RNF150: variants seen among roughly 807,000 people sequenced by gnomAD.
The protein encoded by RNF150 is ring finger protein 150.
In RNF150, 24 loss-of-function variants were observed where a neutral mutation model predicts 39.3. The observed-to-expected ratio is 0.61, with a 90% CI of 0.44 to 0.86. The LOEUF (loss-of-function observed/expected upper bound fraction) is 0.86, where lower values mean the gene tolerates loss of function less well. Among genes scored for constraint, RNF150 ranks in the 40% least tolerant of loss-of-function variants. The pLI is 0.00. For synonymous variants in RNF150, 255 were observed against 227.3 expected (o/e 1.12, Z -1.10); for missense variants, 502 against 587.8 (o/e 0.85, Z 1.51).
Position 140,860,875 on chromosome 4 carries a change from G to T in RNF150, c.*7386C>A, listed in dbSNP as rs962557979. On this transcript the variant is annotated 3_prime_UTR_variant, in exon 7 of 7. Coordinates refer to ENST00000515673, the MANE Select transcript of RNF150 (RefSeq NM_020724.2). ...CAAAACTGAGTATCACATATGTACT[G>T]CTTGAGAGTTTCCCCTGGAAACCAG... 6.6e-6 allele frequency: 1 copy of T among 152,036 alleles called. No homozygotes were observed. Among genetic ancestry groups the T allele is most frequent in the Admixed American group, 6.6e-5 (1 of 15,256 alleles). 9.4% of individuals were successfully genotyped at this position (152,036 alleles called of 1,614,324 possible).
chr4:141,135,976 A>G (rs1275824342), upstream of RNF150, among the ~76,000 whole-genome samples: 1 of 152,224 alleles, frequency 6.6e-6, no homozygotes, highest in Non-Finnish European at 1.5e-5. Context: ...CATGGTCTAG[A>G]CATAAGGAAA....
intron 1 of RNF150, among the ~76,000 whole-genome samples, chr4:141,048,236 G>C (rs188459075): frequency 6.6e-6 from 1 of 152,330 alleles, no homozygotes; most frequent in Non-Finnish European, 1.5e-5. Context: ...AGCATAAGTG[G>C]GGAAGAAGTA....
chr4:140,926,152 A>T, intron 4 of RNF150, 79 bp from the exon 5 acceptor site: 3 of 998,912 alleles, frequency 3.0e-6, no homozygotes, highest in Non-Finnish European at 4.7e-6. Flanking sequence ...GGACTCGTCC[A>T]AGGTCACAAA....
intron 1 of RNF150, among the ~76,000 whole-genome samples, chr4:141,155,209 C>T (rs1486733319): frequency 6.6e-6 from 1 of 151,660 alleles, no homozygotes; most frequent in Non-Finnish European, 1.5e-5. Flanking sequence ...CCTCAGCCTC[C>T]TGAGTAACTG....
chr4:141,050,271 C>A (rs991886753), intron 1 of RNF150, among the ~76,000 whole-genome samples: 1 of 151,860 alleles, frequency 6.6e-6, no homozygotes, highest in African/African-American at 2.4e-5. Context: ...ATGGGAGTTA[C>A]AATTCAAGAT....
chr4:141,100,622 T>C (rs1031077978), intron 1 of RNF150, among the ~76,000 whole-genome samples: 1 of 152,198 alleles, frequency 6.6e-6, no homozygotes, highest in African/African-American at 2.4e-5. Flanking sequence ...TGGATCTGAC[T>C]AAGGGTACTA....
At chr4:140,997,567 C>T (rs1734421188) in intron 1 of RNF150, among the ~76,000 whole-genome samples, 1 of 152,064 alleles carries the variant, frequency 6.6e-6, no homozygotes, top group Non-Finnish European at 1.5e-5. Flanking sequence ...AGACAAAGCT[C>T]TACGAATATT....
chr4:140,991,812 C>T (rs1181651438), intron 1 of RNF150, among the ~76,000 whole-genome samples: 5 of 152,056 alleles, frequency 3.3e-5, no homozygotes, highest in Non-Finnish European at 7.4e-5. Flanking sequence ...AGAGAAAAGC[C>T]TGGCTGATTT....
Position 140,911,293 on chromosome 4 carries a change from G to T in RNF150, c.1049C>A (p.Pro350His), listed in dbSNP as rs757292511. Residue 350 changes from proline to histidine, a missense_variant, in exon 6 of 7, where the codon CCC (proline) becomes CAC (histidine). Transcript: ENST00000515673. ...GCTGGCACCTGTGATCTGGTTGGTGGGTGGACCTCCCAGAGAGCCCTCGAA... is the reference window on the plus strand; with the variant it reads ...GCTGGCACCTGTGATCTGGTTGGTGTGTGGACCTCCCAGAGAGCCCTCGAA... ...TDFEGSLGGP[P>H]TNQITGASDT... 1 of 1,614,132 alleles carries T rather than the reference G, an allele frequency of 6.2e-7. No homozygotes were observed. The highest frequency in any genetic ancestry group is 1.1e-5 in the South Asian group (1 of 91,078).
intron 2 of RNF150, among the ~76,000 whole-genome samples, chr4:140,950,339 T>C (rs1732496065): frequency 6.6e-6 from 1 of 152,226 alleles, no homozygotes; most frequent in African/African-American, 2.4e-5. Flanking sequence ...CTTGCTTTTC[T>C]TTAAAATAGT....
chr4:141,110,375 TC>T (rs1739347933), intron 1 of RNF150, among the ~76,000 whole-genome samples: 2 of 152,134 alleles, frequency 1.3e-5, no homozygotes, highest in Non-Finnish European at 2.9e-5. Context: ...CACGGCTCTT[TC>T]TTAAAATATT....
intron 1 of RNF150, among the ~76,000 whole-genome samples, chr4:141,199,220 G>A (rs1728252242): frequency 1.3e-5 from 2 of 152,226 alleles, no homozygotes; most frequent in South Asian, 4.2e-4. Flanking sequence ...CAACAATACT[G>A]AGTGCTAGTG....
chr4:141,155,989 T>C (rs1414812886), intron 1 of RNF150, among the ~76,000 whole-genome samples: 1 of 150,866 alleles, frequency 6.6e-6, no homozygotes, highest in Non-Finnish European at 1.5e-5. Flanking sequence ...CCATCATGGC[T>C]GGAAGGAGGA....
intron 1 of RNF150, among the ~76,000 whole-genome samples, chr4:141,139,956 C>A (rs533431008): frequency 6.6e-6 from 1 of 152,260 alleles, no homozygotes; most frequent in South Asian, 2.1e-4. Flanking sequence ...TTTTCCTCTG[C>A]TTAATTTCTT....
intron 1 of RNF150, among the ~76,000 whole-genome samples, chr4:141,012,047 C>G (rs1370179518): frequency 6.6e-6 from 1 of 152,220 alleles, no homozygotes; most frequent in Non-Finnish European, 1.5e-5. Flanking sequence ...TTGAGTACAG[C>G]TACTCTTTTT....
intron 1 of RNF150, among the ~76,000 whole-genome samples, chr4:141,082,117 A>G (rs569790681): frequency 1.4e-3 from 216 of 152,372 alleles, no homozygotes; most frequent in Non-Finnish European, 2.6e-3. Flanking sequence ...CTGCAGTGCA[A>G]TAATTTGAGC....
intron 1 of RNF150, among the ~76,000 whole-genome samples, chr4:141,170,153 T>A (rs1476943195): frequency 6.6e-6 from 1 of 152,206 alleles, no homozygotes; most frequent in Non-Finnish European, 1.5e-5. Context: ...GAATCAAATT[T>A]AGACTTAATG....
At chr4:140,925,066 G>C (rs1392058760) in intron 5 of RNF150, among the ~76,000 whole-genome samples, 2 of 152,226 alleles carry the variant, frequency 1.3e-5, no homozygotes, top group Non-Finnish European at 2.9e-5. Context: ...CATTAGCAGT[G>C]AGGAATGACA....
rs1467348234 is a variant in RNF150 at position 140,982,970 on chromosome 4, T to C, written c.485-15097A>G. ...CATCGAATTTTCATCAGCGATGACC[T>C]TGTAAAACTTATCAATGAATGCCTC... On this transcript the variant is annotated intron_variant, in intron 1 of 6. Coordinates refer to ENST00000515673, the MANE Select transcript of RNF150 (RefSeq NM_020724.2). 3.9e-5 allele frequency among the ~76,000 whole-genome samples: 6 copies of C among 152,164 alleles called. No individual in the cohort carries two copies. In the South Asian group the frequency reaches 6.2e-4, roughly 16 times the overall value.
Sources: gnomAD v4.1 joint callset for allele counts (sites outside exome capture counted in the v4.1 genomes callset) on GRCh38, gnomAD v4.1.1 for gene constraint, MANE v1.5 for transcripts, NCBI Gene and HGNC (gene_info 2026-07-23, HGNC 2026-07-21) for gene names.